Variants in CNTNAP4 observed in about 807,000 individuals in gnomAD.
CNTNAP4 encodes contactin associated protein family member 4.
CNTNAP4 carries 98 observed loss-of-function variants against 148.4 expected under a neutral mutation model. The ratio of observed to expected loss-of-function variants is 0.66; its 90% CI spans 0.56 to 0.78. The LOEUF (loss-of-function observed/expected upper bound fraction) is 0.78, where lower values mean the gene tolerates loss of function less well. Ranked by LOEUF, CNTNAP4 falls within the 30% of genes least tolerant of loss-of-function variation. CNTNAP4 has a pLI of 0.00. For synonymous variants in CNTNAP4, 730 were observed against 565.1 expected (o/e 1.29, Z -4.14); for missense variants, 1,935 against 1,565.6 (o/e 1.24, Z -3.98).
chr16:76,483,390 C>G (rs776966090), intron 12 of CNTNAP4, among the ~76,000 whole-genome samples: 1 of 152,134 alleles, frequency 6.6e-6, no homozygotes, highest in Non-Finnish European at 1.5e-5. Context: ...TAGTTTCTTG[C>G]AAGCCTCTGG....
In CNTNAP4 at chr16:76,365,648, A is replaced by G. The variant is rs192121680; in HGVS notation, c.390+10137A>G. On this transcript the variant is annotated intron_variant, in intron 3 of 23. Coordinates refer to ENST00000611870, the MANE Select transcript of CNTNAP4 (RefSeq NM_033401.5). Reference sequence around the variant, plus strand: ...ACACCTGTAATCCCAGCTACTTGCGAGGCTGAGGCAGGAGAATTGCTTGAA... The same window carrying G: ...ACACCTGTAATCCCAGCTACTTGCGGGGCTGAGGCAGGAGAATTGCTTGAA... Among the ~76,000 whole-genome samples, 1,219 of 150,026 alleles carry G rather than the reference A, an allele frequency of 8.1e-3. 20 individuals carry two copies. Among genetic ancestry groups the G allele is most frequent in the African/African-American group, 0.028 (1,160 of 40,740 alleles).
At chr16:76,462,778 G>T (rs1253587662) in intron 9 of CNTNAP4, among the ~76,000 whole-genome samples, 1 of 152,208 alleles carries the variant, frequency 6.6e-6, no homozygotes, top group Admixed American at 6.5e-5. Context: ...TTTTCCGTTA[G>T]AAATCCAATG....
chr16:76,532,647 A>G (rs1012207858), intron 17 of CNTNAP4, among the ~76,000 whole-genome samples: 6 of 152,222 alleles, frequency 3.9e-5, no homozygotes, highest in African/African-American at 1.4e-4. Context: ...ATACACCAAG[A>G]GCACACCTTT....
intron 4 of CNTNAP4, among the ~76,000 whole-genome samples, chr16:76,446,463 C>G (rs144125179): frequency 6.6e-6 from 1 of 152,092 alleles, no homozygotes. Context: ...TTTAATGTCT[C>G]TTGTTCAGGT....
chr16:76,441,553 A>G (rs1013944984), intron 4 of CNTNAP4, among the ~76,000 whole-genome samples: 1 of 152,042 alleles, frequency 6.6e-6, no homozygotes, highest in African/African-American at 2.4e-5. Flanking sequence ...ACTGAGGGGG[A>G]ATCAGGTCAC....
chr16:76,541,231 A>T (rs890098024), intron 21 of CNTNAP4, among the ~76,000 whole-genome samples: 5 of 152,216 alleles, frequency 3.3e-5, no homozygotes, highest in African/African-American at 1.2e-4. Context: ...TCAGGTTATG[A>T]CTTGGATTCT....
rs778514225 is a variant in CNTNAP4, at chr16:76,449,765, T to G, written c.978T>G (p.His326Gln). Residue 326 changes from histidine to glutamine, a missense_variant, in exon 7 of 24, where the codon CAT becomes CAG. Coordinates refer to ENST00000611870, the MANE Select transcript of CNTNAP4 (RefSeq NM_033401.5). The stretch of plus-strand genomic sequence containing the variant: ...CTGGAAAATCAGTGTCATTCCCACA[T>G]AGAAATTTTCATGGATGTTTAGAAA... ...PAPGKSVSFP[H>Q]RNFHGCLENL... The G allele has an allele frequency of 1.2e-5, 19 of 1,597,990 alleles. No individual in the cohort carries two copies. The highest frequency in any genetic ancestry group is 1.7e-6 in the Non-Finnish European group (2 of 1,171,380).
At chr16:76,361,698 A>T (rs2013457510) in intron 3 of CNTNAP4, among the ~76,000 whole-genome samples, 1 of 152,208 alleles carries the variant, frequency 6.6e-6, no homozygotes, top group African/African-American at 2.4e-5. Flanking sequence ...GCTGAATCAC[A>T]TGGAATTTCA....
chr16:76,293,835 TAAAA>T (rs201927804), intron 1 of CNTNAP4, among the ~76,000 whole-genome samples: 2 of 146,030 alleles, frequency 1.4e-5, no homozygotes, highest in African/African-American at 2.6e-5. Flanking sequence ...TTTTTTTTTT[TAAAA>T]AAAAGGATAT....
At chr16:76,493,702 G>A (rs2082305782) in intron 13 of CNTNAP4, among the ~76,000 whole-genome samples, 1 of 152,262 alleles carries the variant, frequency 6.6e-6, no homozygotes, top group African/African-American at 2.4e-5. Flanking sequence ...ACCTTCTGGT[G>A]AAGGGCTAAT....
intron 3 of CNTNAP4, among the ~76,000 whole-genome samples, chr16:76,382,831 A>G (rs1476141842): frequency 2.6e-5 from 4 of 152,164 alleles, no homozygotes; most frequent in African/African-American, 4.8e-5. Context: ...AAATATACAA[A>G]TAAATTGGGA....
rs11353699 is a variant in CNTNAP4 at position 76,521,118 on chromosome 16, CTT to C, written c.2366-12_2366-11del. ...TTGTTTTCTTTCTGAATTTTTTTTTCTTTTTTTTTTTCACAAAACAGGATCAT... is the reference window on the plus strand; with the variant it reads ...TTGTTTTCTTTCTGAATTTTTTTTTCTTTTTTTTTCACAAAACAGGATCAT... On this transcript the variant is annotated intron_variant, in intron 15 of 23. Transcript: ENST00000611870. The C allele has an allele frequency of 2.0e-3, 2,372 of 1,214,436 alleles. No homozygotes were observed. Among genetic ancestry groups the C allele is most frequent in the Admixed American group, 2.8e-3 (98 of 34,784 alleles). The allele number at this position is 1,214,436 out of a possible 1,614,324, so 75.2% of individuals were successfully genotyped here. A position where few individuals can be genotyped will look rare whatever the true frequency, so the allele number is the denominator to read the frequency against.
intron 20 of CNTNAP4, 88 bp from the exon 21 acceptor site, chr16:76,540,615 T>C (rs1252126708): frequency 1.1e-6 from 1 of 944,646 alleles, no homozygotes; most frequent in East Asian, 2.9e-5. Context: ...GCTTAATGTA[T>C]CTTTTTCTCT....
chr16:76,462,890 G>T (rs138816540), intron 9 of CNTNAP4, among the ~76,000 whole-genome samples: 348 of 152,272 alleles, frequency 2.3e-3, no homozygotes, highest in African/African-American at 7.7e-3. Context: ...CTAATTGCTT[G>T]TATCTGGAAT....
intron 3 of CNTNAP4, among the ~76,000 whole-genome samples, chr16:76,372,187 T>G (rs946517236): frequency 6.7e-6 from 1 of 148,624 alleles, no homozygotes; most frequent in African/African-American, 2.5e-5. Flanking sequence ...TTGCCCAGGC[T>G]TGAATGCAGT....
At chr16:76,337,212 G>C (rs777518504) in intron 2 of CNTNAP4, among the ~76,000 whole-genome samples, 1 of 152,212 alleles carries the variant, frequency 6.6e-6, no homozygotes, top group African/African-American at 2.4e-5. Context: ...GATGCTGAAA[G>C]ACTGAGAGTT....
At chr16:76,328,514 T>A (rs964931632) in intron 2 of CNTNAP4, among the ~76,000 whole-genome samples, 3 of 152,160 alleles carry the variant, frequency 2.0e-5, no homozygotes, top group Non-Finnish European at 4.4e-5. Context: ...GTAACCTTTA[T>A]GGGATCGTGG....
At chr16:76,407,880 T>G (rs1024926179) in intron 3 of CNTNAP4, among the ~76,000 whole-genome samples, 1 of 152,090 alleles carries the variant, frequency 6.6e-6, no homozygotes, top group African/African-American at 2.4e-5. Context: ...TACAGAGAAG[T>G]CTTTCATGAA....
chr16:76,372,857 A>G (rs2014996741), intron 3 of CNTNAP4, among the ~76,000 whole-genome samples: 1 of 152,238 alleles, frequency 6.6e-6, no homozygotes, highest in African/African-American at 2.4e-5. Context: ...CATACTATGT[A>G]TATTATCTTT....
Sources: gnomAD v4.1 joint callset for allele counts (sites outside exome capture counted in the v4.1 genomes callset) on GRCh38, gnomAD v4.1.1 for gene constraint, MANE v1.5 for transcripts, NCBI Gene and HGNC (gene_info 2026-07-23, HGNC 2026-07-21) for gene names.